Variants in EYS observed in about 807,000 individuals in gnomAD.
The protein encoded by EYS is EGF-like photoreceptor maintenance factor, also known as protein eyes shut homolog.
EYS carries 250 observed loss-of-function variants against 282.1 expected under a neutral mutation model. That is an observed-to-expected ratio of 0.89 (90% confidence interval 0.80 to 0.98). The LOEUF (loss-of-function observed/expected upper bound fraction) is 0.98. EYS is among the 50% of genes least tolerant of loss of function. EYS has a pLI of 0.00. For missense variants in EYS, 4,016 were observed against 3,709.0 expected (o/e 1.08, Z -2.15); for synonymous variants, 1,355 against 1,282.9 (o/e 1.06, Z -1.20).
intron 31 of EYS, among the ~76,000 whole-genome samples, chr6:64,189,169 T>A (rs888490870): frequency 9.2e-5 from 14 of 152,164 alleles, no homozygotes; most frequent in Admixed American, 6.6e-4. Context: ...GTTCTATATA[T>A]GTATATGTGT....
intron 12 of EYS, among the ~76,000 whole-genome samples, chr6:65,210,649 T>A (rs1156744832): frequency 6.6e-6 from 1 of 151,746 alleles, no homozygotes; most frequent in Non-Finnish European, 1.5e-5. Flanking sequence ...TAAATAATAG[T>A]GTATTATAGA....
chr6:65,313,367 G>A (rs1175776004), intron 11 of EYS, among the ~76,000 whole-genome samples: 3 of 151,762 alleles, frequency 2.0e-5, no homozygotes, highest in Non-Finnish European at 4.4e-5. Context: ...ATTAACACAT[G>A]CTTAAAGGAT....
intron 7 of EYS, among the ~76,000 whole-genome samples, chr6:65,387,504 AAT>A (rs1765846214): frequency 6.6e-6 from 1 of 151,906 alleles, no homozygotes; most frequent in Admixed American, 6.6e-5. Context: ...TAAAATGTTC[AAT>A]ATTTTACTAA....
At chr6:65,513,740 AC>A (rs1429869776) in intron 2 of EYS, among the ~76,000 whole-genome samples, 3 of 151,760 alleles carry the variant, frequency 2.0e-5, no homozygotes, top group South Asian at 2.1e-4. Flanking sequence ...AAATTCAACA[AC>A]CCTTCATGCT....
intron 29 of EYS, among the ~76,000 whole-genome samples, chr6:64,309,883 TA>T (rs1166405215): frequency 5.9e-5 from 9 of 151,482 alleles, no homozygotes; most frequent in African/African-American, 1.7e-4. Flanking sequence ...GAGAATTGCT[TA>T]AACCTTGGAG....
chr6:64,365,423 C>G (rs978265244), intron 29 of EYS, among the ~76,000 whole-genome samples: 33 of 152,116 alleles, frequency 2.2e-4, no homozygotes, highest in Admixed American at 5.9e-4. Context: ...CAAGCTATGT[C>G]TCAGCCCCTC....
chr6:63,746,435 CT>C (rs1477864530), intron 41 of EYS, among the ~76,000 whole-genome samples: 2 of 152,096 alleles, frequency 1.3e-5, no homozygotes, highest in African/African-American at 2.4e-5. Flanking sequence ...TGATACTGGC[CT>C]CATAAAATGA....
At chr6:64,304,490 A>G (rs1769362666) in intron 30 of EYS, among the ~76,000 whole-genome samples, 1 of 152,168 alleles carries the variant, frequency 6.6e-6, no homozygotes, top group Non-Finnish European at 1.5e-5. Context: ...ACACATTCTT[A>G]AAAGCATGTG....
chr6:65,134,100 A>G (rs1308123326), intron 12 of EYS, among the ~76,000 whole-genome samples: 1 of 152,118 alleles, frequency 6.6e-6, no homozygotes, highest in Non-Finnish European at 1.5e-5. Flanking sequence ...ATTATGAAAA[A>G]GTCAAAAAAC....
At chr6:64,372,092 T>G (rs1772392258) in intron 29 of EYS, among the ~76,000 whole-genome samples, 1 of 151,648 alleles carries the variant, frequency 6.6e-6, no homozygotes. Context: ...GACTTGTTTG[T>G]GTGGCTGCTT....
chr6:65,494,741 T>C lies in EYS; in HGVS notation c.670A>G (p.Asn224Asp). The change falls in exon 4 of 43, where the codon AAT becomes GAT. Residue 224 changes from asparagine to aspartate, a missense_variant. By Grantham distance (23) the Asn-to-Asp change is conservative. Transcript: ENST00000503581. The stretch of plus-strand genomic sequence containing the variant: ...CTTTTATTAATGCAACTGCCATTAT[T>C]TTTACATGGTTTAAAAGAACATGCA... ...LDACSFKPCK[N>D]NGSCINKREN... 1.2e-6 allele frequency: 2 copies of C among 1,613,484 alleles called. No homozygotes were observed. Among genetic ancestry groups the C allele is most frequent in the Admixed American group, 3.3e-5 (2 of 59,982 alleles).
intron 22 of EYS, among the ~76,000 whole-genome samples, chr6:64,712,584 G>A (rs1018212544): frequency 3.9e-5 from 6 of 152,230 alleles, no homozygotes. Flanking sequence ...TCTGGAAGCA[G>A]TGAATGATCC....
intron 2 of EYS, among the ~76,000 whole-genome samples, chr6:65,582,029 A>AAT (rs369557604): frequency 9.9e-4 from 148 of 150,226 alleles, no homozygotes; most frequent in Middle Eastern, 3.4e-3. Flanking sequence ...TTCTACTAAA[A>AAT]ATATATATAT....
chr6:65,659,676 G>C (rs968886479), intron 1 of EYS, among the ~76,000 whole-genome samples: 1 of 151,308 alleles, frequency 6.6e-6, no homozygotes, highest in African/African-American at 2.4e-5. Flanking sequence ...AAAATGTTTT[G>C]CTGTCTTCTT....
In EYS at chr6:64,571,615, A is replaced by G. The variant is rs546436539; in HGVS notation, c.5644+18608T>C. 3.9e-5 allele frequency among the ~76,000 whole-genome samples: 6 copies of G among 152,338 alleles called. No individual in the cohort carries two copies. The South Asian group carries it at 1.2e-3, about 32-fold the overall frequency. ...GGGGATATCACCACTGATCCCACAG[A>G]AATACAAACTACCATCAGAGAATGC... On this transcript the variant is annotated intron_variant, in intron 26 of 42. Transcript: ENST00000503581.
chr6:65,594,516 G>T (rs1035674833), intron 2 of EYS, among the ~76,000 whole-genome samples: 2 of 151,822 alleles, frequency 1.3e-5, no homozygotes, highest in African/African-American at 2.4e-5. Flanking sequence ...ATATATATTT[G>T]TGTCTGTCTT....
intron 24 of EYS, among the ~76,000 whole-genome samples, chr6:64,603,861 CTGTGTGTGTGTGTGTGTGTGTG>C (rs34430318): frequency 0.63 from 92,854 of 148,248 alleles, 29,607 homozygotes; most frequent in African/African-American, 0.79. Context: ...AAATGAATAC[CTGTGTGTGTGTGTGTGTGTGTG>C]TGTGTGTGTG....
Position 64,337,408 on chromosome 6 carries a change from C to T in EYS, c.6079-30326G>A, listed in dbSNP as rs532215568. ...AGATGAATAAATTCCTGGAAAAATA[C>T]AATGCTCCTAGCTTAAATCAGGAAG... On this transcript the variant is annotated intron_variant, in intron 29 of 42. Coordinates refer to ENST00000503581, the MANE Select transcript of EYS (RefSeq NM_001142800.2). 3.9e-5 allele frequency among the ~76,000 whole-genome samples: 6 copies of T among 152,056 alleles called. No homozygotes were observed. The East Asian group carries it at 1.2e-3, about 29-fold the overall frequency.
chr6:64,948,189 A>T (rs936011736), intron 14 of EYS, among the ~76,000 whole-genome samples: 1 of 151,656 alleles, frequency 6.6e-6, no homozygotes, highest in East Asian at 1.9e-4. Context: ...AATATAATTT[A>T]AAAAATTAAA....
Sources: gnomAD v4.1 joint callset for allele counts (sites outside exome capture counted in the v4.1 genomes callset) on GRCh38, gnomAD v4.1.1 for gene constraint, MANE v1.5 for transcripts, NCBI Gene and HGNC (gene_info 2026-07-23, HGNC 2026-07-21) for gene names.